MAF: variants seen among roughly 807,000 people sequenced by gnomAD.
MAF encodes the protein MAF bZIP transcription factor, also known as transcription factor Maf.
In MAF, 10 loss-of-function variants were observed where a neutral mutation model predicts 22.0. The observed-to-expected ratio is 0.45, with a 90% confidence interval of 0.28 to 0.77. The LOEUF is 0.77. Ranked by LOEUF, MAF falls within the 30% of genes least tolerant of loss-of-function variation. The pLI, the probability that MAF is intolerant of heterozygous loss-of-function variation, is 0.12. For missense variants in MAF, 544 were observed against 548.4 expected (o/e 0.99, Z 0.08); for synonymous variants, 337 against 255.8 (o/e 1.32, Z -3.03).
the MAF span, among the ~76,000 whole-genome samples, chr16:79,310,302 G>T: frequency 6.6e-6 from 1 of 152,156 alleles, no homozygotes; most frequent in African/African-American, 2.4e-5. Flanking sequence ...TAAGAAAGAA[G>T]TCATCTATTT....
chr16:79,531,394 G>C, the MAF span, among the ~76,000 whole-genome samples: 1 of 152,144 alleles, frequency 6.6e-6, no homozygotes. Flanking sequence ...TGGACTGGGA[G>C]TGGGGTGGGG....
the MAF span, among the ~76,000 whole-genome samples, chr16:79,259,917 T>A: frequency 6.6e-6 from 1 of 152,044 alleles, no homozygotes; most frequent in Admixed American, 6.5e-5. Flanking sequence ...AAAGGTGATG[T>A]GGCAAGAGGC....
At chr16:79,317,916 AC>A in the MAF span, among the ~76,000 whole-genome samples, 17 of 8,948 alleles carry the variant, frequency 1.9e-3, no homozygotes, top group East Asian at 0.013. Context: ...TCATTCATTC[AC>A]TCACTCACTC....
At chr16:79,295,074 T>C in the MAF span, among the ~76,000 whole-genome samples, 3 of 147,854 alleles carry the variant, frequency 2.0e-5, no homozygotes, top group Non-Finnish European at 4.5e-5. Flanking sequence ...TCTCTCTAAA[T>C]ATACTTTTTT....
the MAF span, chr16:79,206,185 C>T: frequency 6.6e-6 from 1 of 152,224 alleles, no homozygotes; most frequent in Non-Finnish European, 1.5e-5. Context: ...CCCCACATTT[C>T]ATTTTAGGCC....
the MAF span, among the ~76,000 whole-genome samples, chr16:79,330,269 G>C: frequency 6.6e-6 from 1 of 152,272 alleles, no homozygotes; most frequent in East Asian, 1.9e-4. Context: ...TTGTTTTTGA[G>C]AACAAAATGT....
chr16:79,539,872 C>T, the MAF span, among the ~76,000 whole-genome samples: 3 of 152,058 alleles, frequency 2.0e-5, no homozygotes, highest in African/African-American at 7.2e-5. Flanking sequence ...AAAGATTCTC[C>T]GAGGTAAAAA....
chr16:79,556,015 G>C, the MAF span, among the ~76,000 whole-genome samples: 1 of 151,822 alleles, frequency 6.6e-6, no homozygotes, highest in African/African-American at 2.4e-5. Context: ...TGTTTTGTTA[G>C]TTTAGTTTAG....
the MAF span, among the ~76,000 whole-genome samples, chr16:79,305,558 A>C: frequency 6.6e-6 from 1 of 152,064 alleles, no homozygotes; most frequent in Non-Finnish European, 1.5e-5. Context: ...TGAGACCTCC[A>C]CTGGTCATGG....
the MAF span, among the ~76,000 whole-genome samples, chr16:79,481,233 A>ACT: frequency 3.8e-5 from 3 of 79,306 alleles, no homozygotes; most frequent in Non-Finnish European, 5.9e-5. Flanking sequence ...TTTCCACAAC[A>ACT]GTTTTTTTTT....
chr16:79,313,222 C>CA, the MAF span, among the ~76,000 whole-genome samples: 36 of 151,912 alleles, frequency 2.4e-4, no homozygotes, highest in African/African-American at 8.0e-4. Flanking sequence ...TGAACGCTAA[C>CA]AAAAAAAGAG....
chr16:79,306,377 C>A, the MAF span, among the ~76,000 whole-genome samples: 1 of 152,182 alleles, frequency 6.6e-6, no homozygotes, highest in South Asian at 2.1e-4. Context: ...TTCATTCGTT[C>A]CACACACATG....
the MAF span, among the ~76,000 whole-genome samples, chr16:79,506,248 C>T: frequency 3.3e-5 from 5 of 152,184 alleles, no homozygotes; most frequent in African/African-American, 1.2e-4. Context: ...CCAGGACATA[C>T]ATCTGAAATG....
chr16:79,286,800 A>T, the MAF span, among the ~76,000 whole-genome samples: 6 of 152,180 alleles, frequency 3.9e-5, no homozygotes, highest in Admixed American at 6.5e-5. Context: ...ACAACCCAGG[A>T]CACAGCTTTG....
chr16:79,519,003 T>C, the MAF span, among the ~76,000 whole-genome samples: 1 of 152,192 alleles, frequency 6.6e-6, no homozygotes, highest in African/African-American at 2.4e-5. Flanking sequence ...ACAAGAACTA[T>C]AAGCTCCTAG....
chr16:79,556,889 G>A, the MAF span, among the ~76,000 whole-genome samples: 1 of 152,028 alleles, frequency 6.6e-6, no homozygotes, highest in East Asian at 1.9e-4. Flanking sequence ...ATAGTGCTTG[G>A]TATGAGAAAT....
At chr16:79,444,719 C>T in the MAF span, among the ~76,000 whole-genome samples, 1 of 152,298 alleles carries the variant, frequency 6.6e-6, no homozygotes, top group African/African-American at 2.4e-5. Context: ...GGGTGCAGGG[C>T]TCCATGGAGA....
the MAF span, among the ~76,000 whole-genome samples, chr16:79,344,701 C>G: frequency 6.6e-6 from 1 of 152,172 alleles, no homozygotes; most frequent in Non-Finnish European, 1.5e-5. Flanking sequence ...AGAGAGCTTA[C>G]TGAAACACTG....
chr16:79,247,536 T>C, the MAF span, among the ~76,000 whole-genome samples: 4 of 152,156 alleles, frequency 2.6e-5, no homozygotes, highest in African/African-American at 9.7e-5. Context: ...CTTGGTAAAC[T>C]GGCATTAGGG....
Sources: allele counts gnomAD v4.1 joint callset (sites outside exome capture counted in the v4.1 genomes callset), GRCh38; gene constraint gnomAD v4.1.1; transcripts MANE v1.5; gene names NCBI Gene and HGNC (gene_info 2026-07-23, HGNC 2026-07-21).